OR2A25: variants seen among roughly 807,000 people sequenced by gnomAD.
The protein encoded by OR2A25 is olfactory receptor 2A25.
For synonymous variants in OR2A25, 162 were observed against 148.1 expected, an observed-to-expected ratio of 1.09 and a Z score of -0.68; for missense variants, 362 against 368.3, an observed-to-expected ratio of 0.98 and a Z score of 0.14.
In OR2A25 at chr7:144,075,678, A is replaced by C. The variant is rs1480755447; in HGVS notation, c.*526A>C. Reference sequence around the variant, plus strand: ...CCCCGTTTCTACTAAAAATACAAAAAATTAGCCGGGCGTGTTGGCGGGCGC... The same window carrying C: ...CCCCGTTTCTACTAAAAATACAAAACATTAGCCGGGCGTGTTGGCGGGCGC... On this transcript the variant is annotated 3_prime_UTR_variant, in exon 2 of 2. Transcript: ENST00000641663. 2 of 152,066 alleles carry C rather than the reference A, an allele frequency of 1.3e-5. No individual in the cohort carries two copies. The highest frequency in any genetic ancestry group is 1.9e-4 in the East Asian group (1 of 5,154). 9.4% of individuals were successfully genotyped at this position (152,066 alleles called of 1,614,324 possible). A position where few individuals can be genotyped will look rare whatever the true frequency, so the allele number is the denominator to read the frequency against.
Position 144,074,353 on chromosome 7 carries a change from T to C in OR2A25, c.134T>C (p.Leu45Pro), listed in dbSNP as rs1172584136. The C allele has an allele frequency of 6.2e-7, 1 of 1,614,084 alleles. No individual in the cohort carries two copies. ...IFILLGNGTILGLISLDSRLH... is the reference protein window; with the variant it reads ...IFILLGNGTIPGLISLDSRLH... ...ATTCTGTTGGGGAACGGGACAATCC[T>C]GGGGCTCATCTCACTGGACTCCAGA... The change falls in exon 2 of 2, where the codon CTG becomes CCG. Residue 45 changes from leucine (L) to proline (P), a missense_variant. By Grantham distance (98) the Leu-to-Pro change is moderately conservative. Transcript: ENST00000641663.
At chr7:144,071,164 T>C (rs2051063681) in intron 1 of OR2A25, among the ~76,000 whole-genome samples, 1 of 132,142 alleles carries the variant, frequency 7.6e-6, no homozygotes, top group South Asian at 2.3e-4. Flanking sequence ...CTCCTCCCAA[T>C]ACCCCTGCTA....
Position 144,075,690 on chromosome 7 carries a change from G to T in OR2A25, c.*538G>T, listed in dbSNP as rs542438751. On this transcript the variant is annotated 3_prime_UTR_variant, in exon 2 of 2. Coordinates refer to ENST00000641663, the MANE Select transcript of OR2A25 (RefSeq NM_001386096.1). ...TAAAAATACAAAAAATTAGCCGGGC[G>T]TGTTGGCGGGCGCCTGTAGTCCCAG... The T allele has an allele frequency of 6.6e-6, 1 of 152,230 alleles. No homozygotes were observed. Among genetic ancestry groups the T allele is most frequent in the East Asian group, 1.9e-4 (1 of 5,144 alleles). 9.4% of individuals were successfully genotyped at this position (152,230 alleles called of 1,614,324 possible). A position where few individuals can be genotyped will look rare whatever the true frequency, so the allele number is the denominator to read the frequency against.
chr7:144,071,724 G>C (rs2051068687), intron 1 of OR2A25, among the ~76,000 whole-genome samples: 2 of 152,102 alleles, frequency 1.3e-5, no homozygotes, highest in Non-Finnish European at 2.9e-5. Flanking sequence ...GGGAAGATGA[G>C]ATGACACCAT....
At position 144,075,310 on chromosome 7, in the gene OR2A25, C is replaced by T; in HGVS notation, c.*158C>T. On this transcript the variant is annotated 3_prime_UTR_variant, in exon 2 of 2. Coordinates refer to ENST00000641663, the MANE Select transcript of OR2A25 (RefSeq NM_001386096.1). ...TCCCGAGAAAGCCCATTCTGCTTTC[C>T]TCTCTCCAGCATTGAAGGTCGGAGC... The T allele has an allele frequency of 1.7e-6, 1 of 603,982 alleles. No homozygotes were observed. The highest frequency in any genetic ancestry group is 2.1e-5 in the South Asian group (1 of 46,830). The allele number at this position is 603,982 out of a possible 1,614,324, so 37.4% of individuals were successfully genotyped here. A position where few individuals can be genotyped will look rare whatever the true frequency, so the allele number is the denominator to read the frequency against.
At position 144,074,619 on chromosome 7, in the gene OR2A25, A is replaced by T; in HGVS notation, c.400A>T (p.Ile134Phe). The change falls in exon 2 of 2, where the codon ATC (isoleucine) becomes TTC (phenylalanine). Residue 134 changes from isoleucine to phenylalanine, a missense_variant. By Grantham distance (21) the Ile-to-Phe change is conservative. Transcript: ENST00000641663. ...AICHPLRYST[I>F]MTWKVCITLA... is the part of the protein sequence containing the mutation. ...CTGCCACCCTCTCCGATATTCTACC[A>T]TCATGACCTGGAAAGTCTGCATCAC... is the stretch of plus-strand genomic sequence containing the variant. 1 of 1,614,124 alleles carries T rather than the reference A, an allele frequency of 6.2e-7. No homozygotes were observed. Among genetic ancestry groups the T allele is most frequent in the African/African-American group, 1.3e-5 (1 of 75,022 alleles).
Position 144,075,036 on chromosome 7 carries a change from C to T in OR2A25, c.817C>T (p.Leu273Phe), listed in dbSNP as rs779415685. ...GAGCCCCAAGGAGCAGAAGAAATAT[C>T]TCCTGCTGTTTCACAGCCTCTTCAA... ...YESPKEQKKYLLLFHSLFNPM... is the reference protein window; with the variant it reads ...YESPKEQKKYFLLFHSLFNPM... The change falls in exon 2 of 2, where the codon CTC becomes TTC. Residue 273 changes from leucine to phenylalanine, a missense_variant. By Grantham distance (22) the Leu-to-Phe change is conservative. Transcript: ENST00000641663. 1.2e-6 allele frequency: 2 copies of T among 1,614,134 alleles called. No homozygotes were observed. The highest frequency in any genetic ancestry group is 1.1e-5 in the South Asian group (1 of 91,078).
At position 144,074,620 on chromosome 7, in the gene OR2A25, T is replaced by G; in HGVS notation, c.401T>G (p.Ile134Ser). Residue 134 changes from isoleucine (I) to serine (S), a missense_variant, in exon 2 of 2, where the codon ATC (isoleucine) becomes AGC (serine). Physicochemically the swap from Ile to Ser is moderately radical, Grantham distance 142 (BLOSUM62 -2). Transcript: ENST00000641663. ...AICHPLRYST[I>S]MTWKVCITLA... ...TGCCACCCTCTCCGATATTCTACCA[T>G]CATGACCTGGAAAGTCTGCATCACT... The G allele has an allele frequency of 1.2e-6, 2 of 1,614,202 alleles. No homozygotes were observed. Among genetic ancestry groups the G allele is most frequent in the Non-Finnish European group, 1.7e-6 (2 of 1,180,036 alleles).
chr7:144,073,041 A>G (rs1393024268), intron 1 of OR2A25, among the ~76,000 whole-genome samples: 1 of 152,182 alleles, frequency 6.6e-6, no homozygotes, highest in Non-Finnish European at 1.5e-5. Context: ...AAAAATGTGC[A>G]TCTCATGAAG....
At chr7:144,071,132 T>A (rs538091778) in intron 1 of OR2A25, among the ~76,000 whole-genome samples, 1 of 150,394 alleles carries the variant, frequency 6.6e-6, no homozygotes, top group South Asian at 2.1e-4. Flanking sequence ...TTAATTTTTT[T>A]GTACCCATTA....
chr7:144,073,580 C>T (rs1434890725), intron 1 of OR2A25, among the ~76,000 whole-genome samples: 1 of 152,110 alleles, frequency 6.6e-6, no homozygotes, highest in Non-Finnish European at 1.5e-5. Flanking sequence ...CATAAGACAA[C>T]ACAAACAGAG....
intron 1 of OR2A25, among the ~76,000 whole-genome samples, chr7:144,073,061 A>C (rs900735231): frequency 2.0e-5 from 3 of 152,174 alleles, no homozygotes; most frequent in Admixed American, 1.3e-4. Context: ...GACAGAGAGT[A>C]GCTTGGTGGT....
rs2051096540 is a variant in OR2A25, at chr7:144,074,675, CT to C, written c.458del (p.Leu153TyrfsTer7). On this transcript the variant is annotated frameshift_variant, in exon 2 of 2. Transcript: ENST00000641663. LOFTEE classifies it low-confidence loss of function (END_TRUNC). ...LALTSWILGV[L>X]LALVHLVLLL... ...CATTGACTTCCTGGATTTTAGGAGT[CT>C]TATTGGCCCTTGTCCATCTAGTGTT... is the stretch of plus-strand genomic sequence containing the variant. 6.2e-7 allele frequency: 1 copy of C among 1,614,178 alleles called. No individual in the cohort carries two copies.
At position 144,075,144 on chromosome 7, in the gene OR2A25, A is replaced by T. The variant is rs778095371; in HGVS notation, c.925A>T (p.Thr309Ser). The T allele has an allele frequency of 3.2e-5, 51 of 1,604,532 alleles. No individual in the cohort carries two copies. Among genetic ancestry groups the T allele is most frequent in the Non-Finnish European group, 4.1e-5 (48 of 1,175,672 alleles). Residue 309 changes from threonine (T) to serine (S), a missense_variant, in exon 2 of 2, where the codon ACT (threonine) becomes TCT (serine). By Grantham distance (58) the Thr-to-Ser change is moderately conservative (BLOSUM62 1). Coordinates refer to ENST00000641663, the MANE Select transcript of OR2A25 (RefSeq NM_001386096.1). ...TLKRMLEKKR[T>S]S is the part of the protein sequence containing the mutation. Reference sequence around the variant, plus strand: ...AAAGAGGATGCTTGAAAAGAAGAGAACTTCATGAAAGCCTGAAAGAATAGT... The same window carrying T: ...AAAGAGGATGCTTGAAAAGAAGAGATCTTCATGAAAGCCTGAAAGAATAGT...
intron 1 of OR2A25, 150 bp downstream of exon 1, chr7:144,070,046 A>T (rs1249417803): frequency 6.6e-6 from 1 of 152,202 alleles, no homozygotes; most frequent in Non-Finnish European, 1.5e-5. Flanking sequence ...CAGCAGCAAC[A>T]TCTTGACATC....
At chr7:144,072,333 T>C (rs1301934342) in intron 1 of OR2A25, among the ~76,000 whole-genome samples, 1 of 151,988 alleles carries the variant, frequency 6.6e-6, no homozygotes, top group Non-Finnish European at 1.5e-5. Context: ...GGAAGGATTT[T>C]AAAACATTTG....
chr7:144,070,238 C>A (rs536283701), intron 1 of OR2A25: 1 of 152,186 alleles, frequency 6.6e-6, no homozygotes, highest in African/African-American at 2.4e-5. Flanking sequence ...AGCTATCCAA[C>A]CTCCACTGGG....
At chr7:144,071,857 T>C (rs1253122606) in intron 1 of OR2A25, among the ~76,000 whole-genome samples, 1 of 152,090 alleles carries the variant, frequency 6.6e-6, no homozygotes. Context: ...TTTCTATACA[T>C]TTGGGACCAC....
chr7:144,070,643 A>G (rs530058723), intron 1 of OR2A25, among the ~76,000 whole-genome samples: 18 of 151,954 alleles, frequency 1.2e-4, no homozygotes, highest in South Asian at 4.2e-4. Flanking sequence ...GGGTTGCCTC[A>G]TGTTTCTATT....
Sources: gnomAD v4.1 joint callset for allele counts (sites outside exome capture counted in the v4.1 genomes callset) on GRCh38, gnomAD v4.1.1 for gene constraint, MANE v1.5 for transcripts, NCBI Gene and HGNC (gene_info 2026-07-23, HGNC 2026-07-21) for gene names.